Variants in ATP2B2 observed in about 807,000 individuals in gnomAD.
ATP2B2 encodes plasma membrane calcium-transporting ATPase 2.
In ATP2B2, 15 loss-of-function variants were observed where a neutral mutation model predicts 120.0. The ratio of observed to expected loss-of-function variants is 0.12; its 90% confidence interval spans 0.08 to 0.19. The LOEUF (loss-of-function observed/expected upper bound fraction) is 0.19, where lower values mean the gene tolerates loss of function less well. ATP2B2 is among the 10% of genes least tolerant of loss of function. The pLI is 1.00. For synonymous variants in ATP2B2, 694 were observed against 700.3 expected (o/e 0.99, Z 0.14); for missense variants, 1,045 against 1,719.8 (o/e 0.61, Z 6.94).
intron 2 of ATP2B2, among the ~76,000 whole-genome samples, chr3:10,427,658 G>A (rs2063185783): frequency 6.6e-6 from 1 of 152,194 alleles, no homozygotes; most frequent in South Asian, 2.1e-4. Context: ...AGTCTGGGAT[G>A]GTGAAGGTGG....
At chr3:10,674,127 A>G (rs1179007767) in intron 1 of ATP2B2, among the ~76,000 whole-genome samples, 1 of 152,192 alleles carries the variant, frequency 6.6e-6, no homozygotes, top group Non-Finnish European at 1.5e-5. Flanking sequence ...CAAGGAGTAC[A>G]ACCATCTGCC....
intron 2 of ATP2B2, among the ~76,000 whole-genome samples, chr3:10,568,419 A>G (rs1452607634): frequency 3.9e-4 from 60 of 152,120 alleles, no homozygotes. Context: ...GTGAAAACCC[A>G]CACACTTGAT....
chr3:10,411,669 T>A (rs2062616464), intron 2 of ATP2B2, among the ~76,000 whole-genome samples: 1 of 152,232 alleles, frequency 6.6e-6, no homozygotes, highest in Non-Finnish European at 1.5e-5. Flanking sequence ...CATGAGCATT[T>A]ATTGAGCACC....
At chr3:10,334,622 C>T (rs566741803) in intron 22 of ATP2B2, among the ~76,000 whole-genome samples, 45 of 152,302 alleles carry the variant, frequency 3.0e-4, no homozygotes, top group Admixed American at 1.2e-3. Context: ...CTTGGCTCCC[C>T]GGTCCTCCCC....
intron 1 of ATP2B2, among the ~76,000 whole-genome samples, chr3:10,658,758 T>TCCTC (rs2070704127): frequency 6.6e-6 from 1 of 151,780 alleles, no homozygotes; most frequent in Admixed American, 6.6e-5. Flanking sequence ...ACAAAGATAC[T>TCCTC]CCTCGAGAAG....
intron 2 of ATP2B2, among the ~76,000 whole-genome samples, chr3:10,546,020 A>C (rs2125503378): frequency 6.6e-6 from 1 of 152,340 alleles, no homozygotes; most frequent in Middle Eastern, 3.4e-3. Context: ...AGTATTCCCC[A>C]AATGTCAATG....
At chr3:10,338,097 G>T (rs1435830391) in intron 22 of ATP2B2, 79 bp downstream of exon 22, 14 of 1,586,906 alleles carry the variant, frequency 8.8e-6, no homozygotes, top group African/African-American at 1.3e-5. Context: ...GGCCCTGGGG[G>T]GCAGCACAAG....
At chr3:10,605,739 C>T (rs1176971920) in intron 2 of ATP2B2, among the ~76,000 whole-genome samples, 3 of 151,858 alleles carry the variant, frequency 2.0e-5, no homozygotes, top group African/African-American at 7.3e-5. Flanking sequence ...ACCTCCGCCT[C>T]CCGGGTTCAA....
intron 22 of ATP2B2, chr3:10,336,176 GACA>G: frequency 6.4e-7 from 1 of 1,550,680 alleles, no homozygotes. Context: ...AAGAGCATTG[GACA>G]ACGACACGCG....
At chr3:10,650,554 G>A (rs9883574) in intron 1 of ATP2B2, among the ~76,000 whole-genome samples, 45,963 of 151,100 alleles carry the variant, frequency 0.3, 10,501 homozygotes, top group African/African-American at 0.64. Flanking sequence ...GCAGAAATTT[G>A]CATAAGTAAC....
At chr3:10,509,206 A>G (rs1364939050), upstream of ATP2B2, among the ~76,000 whole-genome samples, 1 of 152,164 alleles carries the variant, frequency 6.6e-6, no homozygotes, top group East Asian at 1.9e-4. Flanking sequence ...AGAGGACTGA[A>G]TGTAATTAGA....
chr3:10,466,974 G>A (rs1306063982), intron 1 of ATP2B2, among the ~76,000 whole-genome samples: 1 of 152,202 alleles, frequency 6.6e-6, no homozygotes, highest in Non-Finnish European at 1.5e-5. Context: ...GGGCAAGCCT[G>A]GTAATGAAGT....
chr3:10,599,589 A>G (rs7629204), intron 2 of ATP2B2, among the ~76,000 whole-genome samples: 16,455 of 152,154 alleles, frequency 0.11, 1,030 homozygotes, highest in East Asian at 0.26. Flanking sequence ...ACAGGGGCTC[A>G]GGGAACCTCT....
chr3:10,573,882 C>T (rs185864451), intron 2 of ATP2B2, among the ~76,000 whole-genome samples: 39 of 152,312 alleles, frequency 2.6e-4, no homozygotes, highest in Admixed American at 1.6e-3. Flanking sequence ...CCAGCAAATA[C>T]GGCGTCTGCC....
At chr3:10,486,894 AT>A (rs1416017824) in intron 1 of ATP2B2, among the ~76,000 whole-genome samples, 1 of 151,984 alleles carries the variant, frequency 6.6e-6, no homozygotes, top group Non-Finnish European at 1.5e-5. Context: ...TAATTTTTGT[AT>A]TTTTAGTAGA....
At position 10,402,120 on chromosome 3, in the gene ATP2B2, AC is replaced by A; in HGVS notation, c.625del (p.Val209TrpfsTer5). On this transcript the variant is annotated frameshift_variant, in exon 4 of 23. Transcript: ENST00000360273. LOFTEE classifies it high-confidence loss of function. This position sits in a 1 kb window ranked among gnomAD's most constrained non-coding sequence, Gnocchi z 4.9. ...QVVQIPVAEI[V>X]VGDIAQVKYG... ...TTTGACCTGGGCTATGTCCCCAACC[AC>A]GATCTCAGCCACAGGGATCTGGACC... is the stretch of plus-strand genomic sequence containing the variant. 1 of 1,614,056 alleles carries A rather than the reference AC, an allele frequency of 6.2e-7. No individual in the cohort carries two copies. The highest frequency in any genetic ancestry group is 8.5e-7 in the Non-Finnish European group (1 of 1,180,028).
At chr3:10,487,528 C>T (rs1354657286) in intron 1 of ATP2B2, among the ~76,000 whole-genome samples, 1 of 152,186 alleles carries the variant, frequency 6.6e-6, no homozygotes, top group Non-Finnish European at 1.5e-5. Context: ...GCCACAAAGG[C>T]CTGTGAGTCT....
intron 3 of ATP2B2, among the ~76,000 whole-genome samples, chr3:10,530,575 CCA>C (rs1205364324): frequency 6.6e-6 from 1 of 152,220 alleles, no homozygotes; most frequent in African/African-American, 2.4e-5. Context: ...GGCAGTCTGG[CCA>C]CAGACAGGGC....
chr3:10,462,330 G>C (rs1288907135), intron 1 of ATP2B2, among the ~76,000 whole-genome samples: 1 of 152,138 alleles, frequency 6.6e-6, no homozygotes, highest in African/African-American at 2.4e-5. Context: ...CTCATGTCCA[G>C]TCCGGTGACC....
Sources: gnomAD v4.1 joint callset for allele counts (sites outside exome capture counted in the v4.1 genomes callset) on GRCh38, gnomAD v4.1.1 for gene constraint, Gnocchi (gnomAD v3.1) non-coding constraint, MANE v1.5 for transcripts, NCBI Gene and HGNC (gene_info 2026-07-23, HGNC 2026-07-21) for gene names.